Variants in VPS13A observed in about 807,000 individuals in gnomAD.
VPS13A encodes the protein vacuolar protein sorting 13 homolog A.
VPS13A carries 264 observed loss-of-function variants against 390.9 expected under a neutral mutation model. The observed-to-expected ratio is 0.68, with a 90% CI of 0.61 to 0.75. The LOEUF (loss-of-function observed/expected upper bound fraction) is 0.75, where lower values mean the gene tolerates loss of function less well. Among genes scored for constraint, VPS13A ranks in the 30% least tolerant of loss-of-function variants. The pLI, the probability that VPS13A is intolerant of heterozygous loss-of-function variation, is 0.00. For synonymous variants in VPS13A, 1,231 were observed against 1,227.1 expected (o/e 1.00, Z -0.07); for missense variants, 3,409 against 3,733.9 (o/e 0.91, Z 2.27).
At chr9:77,259,034 A>G (rs1825610943) in intron 22 of VPS13A, among the ~76,000 whole-genome samples, 1 of 152,136 alleles carries the variant, frequency 6.6e-6, no homozygotes, top group African/African-American at 2.4e-5. Context: ...GCTGATTATA[A>G]GGGTACAGGG....
Position 77,279,707 on chromosome 9 carries a change from C to G in VPS13A, c.2825-452C>G, listed in dbSNP as rs146926841. 361 of 170,378 alleles carry G rather than the reference C, an allele frequency of 2.1e-3. 2 individuals carry two copies. The highest frequency in any genetic ancestry group is 8.2e-3 in the African/African-American group (343 of 41,654). The allele number at this position is 170,378 out of a possible 1,614,324, so 10.6% of individuals were successfully genotyped here. ...ACATGGTAATAGGGTTTATTTTAAT[C>G]TAAACTAATATACAGAAAACTTAAT... is the stretch of plus-strand genomic sequence containing the variant. On this transcript the variant is annotated intron_variant, in intron 26 of 71. Transcript: ENST00000360280.
At position 77,316,405 on chromosome 9, in the gene VPS13A, C is replaced by A; in HGVS notation, c.4862C>A (p.Thr1621Asn). 2 of 1,609,896 alleles carry A rather than the reference C, an allele frequency of 1.2e-6. No homozygotes were observed. Among genetic ancestry groups the A allele is most frequent in the Middle Eastern group, 1.7e-4 (1 of 6,054 alleles). Residue 1621 changes from threonine to asparagine, a missense_variant and splice_region_variant, in exon 39 of 72, where the codon ACT becomes AAT. Coordinates refer to ENST00000360280, the MANE Select transcript of VPS13A (RefSeq NM_033305.3). The part of the protein sequence containing the change: ...LPVKRKGKIT[T>N]VLQPCDLFYQ... Reference sequence around the variant, plus strand: ...GTCAAGAGAAAAGGCAAAATCACTACTGTGAGTTAACTATTTGATCATCTG... The same window carrying A: ...GTCAAGAGAAAAGGCAAAATCACTAATGTGAGTTAACTATTTGATCATCTG...
intron 50 of VPS13A, among the ~76,000 whole-genome samples, chr9:77,341,883 A>G (rs1354654647): frequency 6.6e-6 from 1 of 151,942 alleles, no homozygotes; most frequent in Non-Finnish European, 1.5e-5. Flanking sequence ...AAGCCACAGT[A>G]GTTAAAGCCC....
intron 67 of VPS13A, among the ~76,000 whole-genome samples, chr9:77,372,790 T>C (rs1832853703): frequency 2.6e-5 from 4 of 152,302 alleles, no homozygotes; most frequent in South Asian, 4.1e-4. Flanking sequence ...AGCAAAGTCT[T>C]AGGATACAAA....
At chr9:77,405,192 T>A (rs1034020687) in intron 69 of VPS13A, among the ~76,000 whole-genome samples, 12 of 152,332 alleles carry the variant, frequency 7.9e-5, no homozygotes, top group Middle Eastern at 3.4e-3. Context: ...TGATGCTTTT[T>A]GAAGTCTTCC....
At chr9:77,189,987 G>C (rs1824577255) in intron 1 of VPS13A, among the ~76,000 whole-genome samples, 1 of 152,066 alleles carries the variant, frequency 6.6e-6, no homozygotes, top group South Asian at 2.1e-4. Flanking sequence ...ATTAGTTCTA[G>C]GAACCTTTGG....
intron 31 of VPS13A, among the ~76,000 whole-genome samples, chr9:77,290,792 CTTT>C (rs1827607494): frequency 6.6e-6 from 1 of 152,086 alleles, no homozygotes; most frequent in Non-Finnish European, 1.5e-5. Flanking sequence ...TTTGACTCTT[CTTT>C]TTTCCATTTT....
intron 1 of VPS13A, among the ~76,000 whole-genome samples, chr9:77,188,938 A>G (rs1025758988): frequency 6.6e-6 from 1 of 151,312 alleles, no homozygotes; most frequent in Admixed American, 6.6e-5. Context: ...GCTCATGTCC[A>G]TTGCCCATTT....
rs201865799 is a variant in VPS13A, at chr9:77,371,081, A to C, written c.9009A>C (p.Val3003=). Residue 3003 remains valine (V), a synonymous_variant, in exon 67 of 72, where the codon GTA becomes GTC. Coordinates refer to ENST00000360280, the MANE Select transcript of VPS13A (RefSeq NM_033305.3). ...GFFKGVGKGL[V]GAVARPTGGI... The stretch of plus-strand genomic sequence containing the variant: ...TTAAAGGTGTTGGGAAAGGTTTAGT[A>C]GGAGCGGTAGCAAGGCCAACTGGAG... The C allele has an allele frequency of 1.4e-5, 22 of 1,614,066 alleles. No individual in the cohort carries two copies. Among genetic ancestry groups the C allele is most frequent in the Non-Finnish European group, 1.8e-5 (21 of 1,180,014 alleles).
intron 23 of VPS13A, among the ~76,000 whole-genome samples, chr9:77,270,270 G>A (rs767751434): frequency 1.6e-4 from 24 of 152,260 alleles, no homozygotes; most frequent in South Asian, 6.2e-4. Flanking sequence ...AAATATGGAC[G>A]TTCAAGCTGT....
In VPS13A at chr9:77,308,053, A is replaced by G. The variant is rs756627199; in HGVS notation, c.4069A>G (p.Ser1357Gly). The change falls in exon 35 of 72, where the codon AGT becomes GGT. Residue 1357 changes from serine (S) to glycine (G), a missense_variant. Transcript: ENST00000360280. ...ACCTGCTGTAACAAAAGACCAATAC[A>G]GTGCCACTAGTGGAGTTACTACTAA... is the stretch of plus-strand genomic sequence containing the variant. ...ASPAVTKDQY[S>G]ATSGVTTNAS... 6.2e-7 allele frequency: 1 copy of G among 1,614,012 alleles called. No homozygotes were observed. Among genetic ancestry groups the G allele is most frequent in the Admixed American group, 1.7e-5 (1 of 60,020 alleles).
intron 55 of VPS13A, 99 bp downstream of exon 55, chr9:77,356,966 A>C (rs1464305061): frequency 1.5e-6 from 2 of 1,323,864 alleles, no homozygotes; most frequent in Non-Finnish European, 2.1e-6. Flanking sequence ...TTCCTTATAA[A>C]ACAAAATAAT....
At chr9:77,317,057 C>T (rs1829438872) in intron 39 of VPS13A, among the ~76,000 whole-genome samples, 1 of 151,882 alleles carries the variant, frequency 6.6e-6, no homozygotes, top group African/African-American at 2.4e-5. Flanking sequence ...GTATTTTTTT[C>T]CTGATGCTTG....
chr9:77,396,276 T>C lies in VPS13A; in HGVS notation c.9190-6960T>C, dbSNP rs116373155. 5.7e-3 allele frequency among the ~76,000 whole-genome samples: 871 copies of C among 152,334 alleles called. 12 individuals carry two copies. The highest frequency in any genetic ancestry group is 0.02 in the African/African-American group (842 of 41,578). On this transcript the variant is annotated intron_variant, in intron 68 of 71. Coordinates refer to ENST00000360280, the MANE Select transcript of VPS13A (RefSeq NM_033305.3). Reference sequence around the variant, plus strand: ...CTTAAGATATAGTAGTTTCTTACACTTGATTTTATGTCAAAGGTTATGCTC... The same window carrying C: ...CTTAAGATATAGTAGTTTCTTACACCTGATTTTATGTCAAAGGTTATGCTC...
At chr9:77,365,388 T>C (rs1039822429) in intron 59 of VPS13A, 72 bp from the exon 60 acceptor site, 15 of 935,298 alleles carry the variant, frequency 1.6e-5, no homozygotes, top group Non-Finnish European at 2.6e-5. Flanking sequence ...TTTGGCAGTG[T>C]GTCTTCTATT....
chr9:77,292,105 G>GGAGTGGA (rs1166563138), intron 31 of VPS13A, among the ~76,000 whole-genome samples: 1 of 151,796 alleles, frequency 6.6e-6, no homozygotes, highest in Non-Finnish European at 1.5e-5. Flanking sequence ...TGGTGCTTTG[G>GGAGTGGA]GCCTTTTCTG....
intron 10 of VPS13A, among the ~76,000 whole-genome samples, chr9:77,218,518 A>G (rs1361987316): frequency 6.6e-6 from 1 of 151,934 alleles, no homozygotes; most frequent in Non-Finnish European, 1.5e-5. Context: ...GTTTGCAGAT[A>G]TTTTCTCCCA....
intron 68 of VPS13A, among the ~76,000 whole-genome samples, chr9:77,390,308 T>A (rs1247247020): frequency 6.6e-6 from 1 of 152,188 alleles, no homozygotes; most frequent in Non-Finnish European, 1.5e-5. Flanking sequence ...AAAGCAGATT[T>A]CATGGAAAAG....
intron 23 of VPS13A, among the ~76,000 whole-genome samples, chr9:77,270,880 CTAAATA>C (rs1158753402): frequency 7.9e-5 from 12 of 152,102 alleles, no homozygotes; most frequent in Admixed American, 7.2e-4. Context: ...AAGCATAGAC[CTAAATA>C]TAAAGTCCAC....
Sources: allele counts gnomAD v4.1 joint callset (sites outside exome capture counted in the v4.1 genomes callset), GRCh38; gene constraint gnomAD v4.1.1; transcripts MANE v1.5; gene names NCBI Gene and HGNC (gene_info 2026-07-23, HGNC 2026-07-21).